ESRRG: variants seen among roughly 807,000 people sequenced by gnomAD.
ESRRG encodes estrogen-related receptor gamma.
Under a neutral mutation model 44.0 loss-of-function variants are expected in ESRRG, and 13 were observed. The ratio of observed to expected loss-of-function variants is 0.30; its 90% CI spans 0.19 to 0.47. The LOEUF (loss-of-function observed/expected upper bound fraction) is 0.47, where lower values mean the gene tolerates loss of function less well. Among genes scored for constraint, ESRRG ranks in the 20% least tolerant of loss-of-function variants. The pLI is 1.00. For missense variants in ESRRG, 395 were observed against 580.6 expected, an observed-to-expected ratio of 0.68 and a Z score of 3.29; for synonymous variants, 215 against 214.6, an observed-to-expected ratio of 1.00 and a Z score of -0.02.
chr1:216,802,466 G>T (rs966237360), intron 2 of ESRRG, among the ~76,000 whole-genome samples: 3 of 152,114 alleles, frequency 2.0e-5, no homozygotes, highest in African/African-American at 7.2e-5. Flanking sequence ...AAATAGAAAT[G>T]CATGAACAAA....
chr1:216,762,620 G>A (rs2092850535), intron 2 of ESRRG, among the ~76,000 whole-genome samples: 1 of 151,724 alleles, frequency 6.6e-6, no homozygotes, highest in South Asian at 2.1e-4. Context: ...AGGAGTTAGT[G>A]GGTGCAGCAC....
chr1:216,734,190 T>C (rs1575903375), intron 2 of ESRRG, among the ~76,000 whole-genome samples: 1 of 152,140 alleles, frequency 6.6e-6, no homozygotes, highest in East Asian at 1.9e-4. Flanking sequence ...CCTTTAATCC[T>C]CTGCACTGTG....
intron 5 of ESRRG, among the ~76,000 whole-genome samples, chr1:216,522,384 T>A (rs1447827293): frequency 6.6e-6 from 1 of 151,794 alleles, no homozygotes; most frequent in East Asian, 1.9e-4. Flanking sequence ...GGAAGTATAC[T>A]TTTTGCAAAT....
chr1:216,621,059 T>C (rs1574249659), intron 3 of ESRRG, among the ~76,000 whole-genome samples: 1 of 152,152 alleles, frequency 6.6e-6, no homozygotes, highest in Non-Finnish European at 1.5e-5. Flanking sequence ...CCAATGAATA[T>C]GGATAAGATC....
At chr1:217,060,398 T>C (rs1424869504) in intron 1 of ESRRG, among the ~76,000 whole-genome samples, 3 of 152,114 alleles carry the variant, frequency 2.0e-5, no homozygotes, top group Non-Finnish European at 4.4e-5. Context: ...TGGAAGATAA[T>C]GTAGACTCTC....
chr1:216,535,810 CCTAT>C (rs776779619), intron 5 of ESRRG, among the ~76,000 whole-genome samples: 2 of 152,172 alleles, frequency 1.3e-5, no homozygotes, highest in African/African-American at 2.4e-5. Flanking sequence ...TGTCTGTCTG[CCTAT>C]CTGTTTATCT....
At chr1:216,858,611 T>C (rs2095996314) in intron 2 of ESRRG, among the ~76,000 whole-genome samples, 1 of 152,202 alleles carries the variant, frequency 6.6e-6, no homozygotes, top group African/African-American at 2.4e-5. Context: ...GGTACTATCC[T>C]AGGTTCTTCA....
rs527857441 is a variant in ESRRG, at chr1:216,665,664, A to C, written c.472+11412T>G. ...GTTAACACTAATGTACTACACATTA[A>C]AAAAATGGTTAAGATGGTAAATTTT... On this transcript the variant is annotated intron_variant, in intron 2 of 6. Transcript: ENST00000408911. Among the ~76,000 whole-genome samples the C allele has an allele frequency of 2.6e-5, 4 of 152,294 alleles. No individual in the cohort carries two copies. The East Asian group carries it at 7.7e-4, about 29-fold the overall frequency.
In ESRRG at chr1:216,761,224, C is replaced by CTTT. The variant is rs34882909; in HGVS notation, c.-13-83736_-13-83734dup. Among the ~76,000 whole-genome samples the CTTT allele has an allele frequency of 2.0e-5, 3 of 151,052 alleles. No homozygotes were observed. In the East Asian group the frequency reaches 5.8e-4, roughly 29 times the overall value. ...AGTTTTACTACCTTATACATACTTC[C>CTTT]TTTTTTTTTATCAATTCCTGGTATT... On this transcript the variant is annotated intron_variant, in intron 2 of 7. Transcript: ENST00000359162.
At chr1:216,854,611 C>T (rs1230860708) in intron 2 of ESRRG, among the ~76,000 whole-genome samples, 1 of 152,096 alleles carries the variant, frequency 6.6e-6, no homozygotes, top group African/African-American at 2.4e-5. Context: ...TCCACTTTCA[C>T]TTCTTAGGGC....
At chr1:216,588,263 A>G (rs1558666707) in intron 3 of ESRRG, among the ~76,000 whole-genome samples, 1 of 152,298 alleles carries the variant, frequency 6.6e-6, no homozygotes, top group Non-Finnish European at 1.5e-5. Context: ...TAGCAAACTT[A>G]CAAATTATAT....
rs148882506 is a variant in ESRRG, at chr1:216,899,041, T to C, written c.-14+40541A>G. On this transcript the variant is annotated intron_variant, in intron 2 of 7. Transcript: ENST00000359162. Reference sequence around the variant, plus strand: ...TGAGTCACAGGTAGGACTGGAAACATCTCCTAAGGGTCTCAGGAGAAGTAG... The same window carrying C: ...TGAGTCACAGGTAGGACTGGAAACACCTCCTAAGGGTCTCAGGAGAAGTAG... Among the ~76,000 whole-genome samples, 209 of 152,228 alleles carry C rather than the reference T, an allele frequency of 1.4e-3. 1 individual carries two copies. Among genetic ancestry groups the C allele is most frequent in the African/African-American group, 4.8e-3 (200 of 41,526 alleles).
chr1:217,013,598 C>A (rs912147927), intron 1 of ESRRG, among the ~76,000 whole-genome samples: 4 of 152,126 alleles, frequency 2.6e-5, no homozygotes, highest in African/African-American at 9.7e-5. Flanking sequence ...AGGTTAAGAC[C>A]TATCACTTAC....
chr1:216,789,006 A>T (rs1434414867), intron 2 of ESRRG, among the ~76,000 whole-genome samples: 1 of 152,130 alleles, frequency 6.6e-6, no homozygotes, highest in African/African-American at 2.4e-5. Flanking sequence ...CTTCTTACGG[A>T]TGAGTGGTTT....
chr1:216,809,744 C>T (rs1576791282), intron 2 of ESRRG, among the ~76,000 whole-genome samples: 6 of 152,226 alleles, frequency 3.9e-5, no homozygotes, highest in Admixed American at 3.9e-4. Context: ...AGGACTGTTG[C>T]CGCTCTTACT....
chr1:217,031,836 G>C (rs535601998), intron 1 of ESRRG, among the ~76,000 whole-genome samples: 1 of 152,316 alleles, frequency 6.6e-6, no homozygotes, highest in Admixed American at 6.5e-5. Context: ...GAAGAAGGAT[G>C]TGTTTGTTTC....
chr1:216,806,762 C>A (rs1368416950), intron 2 of ESRRG, among the ~76,000 whole-genome samples: 1 of 152,182 alleles, frequency 6.6e-6, no homozygotes, highest in East Asian at 1.9e-4. Context: ...TGGGGTCTCA[C>A]ATGTTTTTGT....
chr1:216,883,627 C>T (rs2096480320), intron 2 of ESRRG, among the ~76,000 whole-genome samples: 1 of 152,038 alleles, frequency 6.6e-6, no homozygotes, highest in African/African-American at 2.4e-5. Context: ...GTATGTCTTC[C>T]TGCTCCAACA....
intron 2 of ESRRG, among the ~76,000 whole-genome samples, chr1:216,729,695 T>C (rs986599491): frequency 6.6e-6 from 1 of 152,154 alleles, no homozygotes; most frequent in African/African-American, 2.4e-5. Flanking sequence ...TTGTACATTG[T>C]TTACCAGAAA....
Sources: gnomAD v4.1 joint callset for allele counts (sites outside exome capture counted in the v4.1 genomes callset) on GRCh38, gnomAD v4.1.1 for gene constraint, MANE v1.5 for transcripts, NCBI Gene and HGNC (gene_info 2026-07-23, HGNC 2026-07-21) for gene names.